Variants in SH3BGRL2 observed in about 807,000 individuals in gnomAD.
SH3BGRL2 encodes SH3 domain-binding glutamic acid-rich-like protein 2.
Under a neutral mutation model 14.8 loss-of-function variants are expected in SH3BGRL2, and 21 were observed. That is an observed-to-expected ratio of 1.42 (90% CI 1.01 to 2.05). The LOEUF (loss-of-function observed/expected upper bound fraction) is 2.05, where lower values mean the gene tolerates loss of function less well. Among genes scored for constraint, SH3BGRL2 ranks in the 30% most tolerant of loss-of-function variants. The pLI, the probability that SH3BGRL2 is intolerant of heterozygous loss-of-function variation, is 0.00. For missense variants in SH3BGRL2, 147 were observed against 130.8 expected, an observed-to-expected ratio of 1.12 and a Z score of -0.61; for synonymous variants, 50 against 47.8, an observed-to-expected ratio of 1.05 and a Z score of -0.19.
chr6:79,548,147 G>A, the SH3BGRL2 span, among the ~76,000 whole-genome samples: 1 of 152,066 alleles, frequency 6.6e-6, no homozygotes, highest in Non-Finnish European at 1.5e-5. Context: ...GGGATTATAA[G>A]CCTGAGCCAC....
chr6:79,586,782 T>TGTCTTCCATC, the SH3BGRL2 span, among the ~76,000 whole-genome samples: 169 of 152,326 alleles, frequency 1.1e-3, no homozygotes, highest in African/African-American at 3.9e-3. Context: ...GAGGAACTGC[T>TGTCTTCCATC]GTCTTCCATC....
At chr6:79,619,101 C>T in the SH3BGRL2 span, among the ~76,000 whole-genome samples, 1 of 151,634 alleles carries the variant, frequency 6.6e-6, no homozygotes, top group Non-Finnish European at 1.5e-5. Context: ...GAATTTGAGC[C>T]ATATAGCTCA....
the SH3BGRL2 span, among the ~76,000 whole-genome samples, chr6:79,615,915 CAA>C: frequency 7.0e-6 from 1 of 142,398 alleles, no homozygotes; most frequent in Non-Finnish European, 1.5e-5. Context: ...CTCCCAGGTT[CAA>C]GAGATTCTCC....
chr6:79,635,779 G>A (rs1768910665), intron 1 of SH3BGRL2, among the ~76,000 whole-genome samples: 1 of 152,214 alleles, frequency 6.6e-6, no homozygotes, highest in Non-Finnish European at 1.5e-5. Flanking sequence ...GAGGGTGGGT[G>A]TGGAAGGGAA....
intron 1 of SH3BGRL2, among the ~76,000 whole-genome samples, chr6:79,638,835 A>G (rs572899172): frequency 1.2e-4 from 19 of 152,086 alleles, no homozygotes; most frequent in African/African-American, 3.6e-4. Flanking sequence ...TATATTTTCA[A>G]TATTAATCTC....
chr6:79,633,778 G>C (rs1221952771), intron 1 of SH3BGRL2, among the ~76,000 whole-genome samples: 2 of 152,148 alleles, frequency 1.3e-5, no homozygotes, highest in African/African-American at 4.8e-5. Flanking sequence ...CAGTTTATCT[G>C]TAATATCCAT....
chr6:79,672,134 CT>C (rs1582730676), intron 1 of SH3BGRL2, among the ~76,000 whole-genome samples: 1 of 152,200 alleles, frequency 6.6e-6, no homozygotes, highest in East Asian at 1.9e-4. Flanking sequence ...CAGGGCATCT[CT>C]GTGGTGTGTA....
chr6:79,599,583 C>T, the SH3BGRL2 span, among the ~76,000 whole-genome samples: 2 of 152,154 alleles, frequency 1.3e-5, no homozygotes, highest in Non-Finnish European at 1.5e-5. Context: ...GTTGGCCAGG[C>T]TGGTCTCAAA....
chr6:79,558,181 G>A, the SH3BGRL2 span, among the ~76,000 whole-genome samples: 8 of 152,192 alleles, frequency 5.3e-5, no homozygotes, highest in African/African-American at 1.9e-4. Context: ...CAGATTAAGA[G>A]GATGTGTGCA....
rs1770433977 is a variant in SH3BGRL2 at position 79,700,564 on chromosome 6, C to T, written c.*1055C>T. The T allele has an allele frequency of 6.6e-6, 1 of 152,044 alleles. No homozygotes were observed. Among genetic ancestry groups the T allele is most frequent in the South Asian group, 2.1e-4 (1 of 4,828 alleles). 9.4% of individuals were successfully genotyped at this position (152,044 alleles called of 1,614,324 possible). The stretch of plus-strand genomic sequence containing the variant: ...CCTCTAATTTTGCTTGCTCATATTT[C>T]TGGCCAATGTACAGCCTCATATTTT... On this transcript the variant is annotated 3_prime_UTR_variant, in exon 4 of 4. Coordinates refer to ENST00000369838, the MANE Select transcript of SH3BGRL2 (RefSeq NM_031469.4).
chr6:79,574,322 T>C, the SH3BGRL2 span: 4 of 152,202 alleles, frequency 2.6e-5, no homozygotes, highest in South Asian at 6.2e-4. Flanking sequence ...ATGAGGTTTG[T>C]TTGCAGATTC....
At chr6:79,602,726 G>A in the SH3BGRL2 span, among the ~76,000 whole-genome samples, 10 of 152,156 alleles carry the variant, frequency 6.6e-5, no homozygotes, top group African/African-American at 2.4e-4. Flanking sequence ...TAAGAAAAAT[G>A]GTCTAATTTG....
the SH3BGRL2 span, among the ~76,000 whole-genome samples, chr6:79,603,141 C>T: frequency 5.9e-5 from 9 of 152,278 alleles, no homozygotes; most frequent in South Asian, 1.2e-3. Context: ...ACCTAGTAAC[C>T]AGCTAAAAGT....
the SH3BGRL2 span, among the ~76,000 whole-genome samples, chr6:79,583,635 G>T: frequency 6.6e-6 from 1 of 152,152 alleles, no homozygotes; most frequent in African/African-American, 2.4e-5. Context: ...CTGTAAGGGG[G>T]TGGGGAGCTC....
chr6:79,603,610 G>T, the SH3BGRL2 span, among the ~76,000 whole-genome samples: 1 of 152,128 alleles, frequency 6.6e-6, no homozygotes, highest in East Asian at 1.9e-4. Flanking sequence ...GCTTTCTTGT[G>T]CAACGTCACA....
Position 79,701,610 on chromosome 6 carries a change from T to C in SH3BGRL2, c.*2101T>C, listed in dbSNP as rs1770459317. ...TGCCATCTCCCCACCCCATTTTTTT[T>C]TTTTTTTTTTTGATCAGCAAAGAAA... On this transcript the variant is annotated 3_prime_UTR_variant, in exon 4 of 4. Transcript: ENST00000369838. 1 of 150,726 alleles carries C rather than the reference T, an allele frequency of 6.6e-6. No individual in the cohort carries two copies. Among genetic ancestry groups the C allele is most frequent in the African/African-American group, 2.4e-5 (1 of 40,924 alleles). 9.3% of individuals were successfully genotyped at this position (150,726 alleles called of 1,614,324 possible).
chr6:79,613,041 G>A, the SH3BGRL2 span, among the ~76,000 whole-genome samples: 4 of 152,192 alleles, frequency 2.6e-5, no homozygotes, highest in African/African-American at 2.4e-5. Flanking sequence ...GGGCCCTTGG[G>A]TTGTCCACTG....
the SH3BGRL2 span, among the ~76,000 whole-genome samples, chr6:79,618,814 G>A: frequency 3.3e-4 from 49 of 148,902 alleles, no homozygotes; most frequent in East Asian, 7.1e-3. Flanking sequence ...AGCTACTCGG[G>A]AGGCTGAGGC....
At chr6:79,597,458 T>C in the SH3BGRL2 span, among the ~76,000 whole-genome samples, 5 of 151,996 alleles carry the variant, frequency 3.3e-5, no homozygotes, top group African/African-American at 1.2e-4. Context: ...AGTCCAGAAA[T>C]AAGTCCTCAC....
Sources: allele counts gnomAD v4.1 joint callset (sites outside exome capture counted in the v4.1 genomes callset), GRCh38; gene constraint gnomAD v4.1.1; transcripts MANE v1.5; gene names NCBI Gene and HGNC (gene_info 2026-07-23, HGNC 2026-07-21).